Variants in EPB41 observed in about 807,000 individuals in gnomAD.
The protein encoded by EPB41 is protein 4.1.
Under a neutral mutation model 108.0 loss-of-function variants are expected in EPB41, and 65 were observed. That is an observed-to-expected ratio of 0.60 (90% CI 0.49 to 0.74). The LOEUF (loss-of-function observed/expected upper bound fraction) is 0.74. Among genes scored for constraint, EPB41 ranks in the 30% least tolerant of loss-of-function variants. The pLI is 0.00. For synonymous variants in EPB41, 336 were observed against 358.9 expected, an observed-to-expected ratio of 0.94 and a Z score of 0.72; for missense variants, 875 against 1,037.0, an observed-to-expected ratio of 0.84 and a Z score of 2.15.
intron 1 of EPB41, among the ~76,000 whole-genome samples, chr1:28,896,507 C>T (rs78340284): frequency 0.025 from 3,775 of 152,308 alleles, 178 homozygotes; most frequent in African/African-American, 0.086. Flanking sequence ...ACCTTCCCCA[C>T]CGGGAGCTCG....
intron 4 of EPB41, among the ~76,000 whole-genome samples, chr1:28,998,247 G>T (rs2096228095): frequency 2.0e-5 from 3 of 152,202 alleles, no homozygotes; most frequent in African/African-American, 7.2e-5. Context: ...GAGGTGGAGA[G>T]AGAATGGCTT....
chr1:28,973,493 A>G (rs758263339), intron 1 of EPB41, among the ~76,000 whole-genome samples: 1 of 152,120 alleles, frequency 6.6e-6, no homozygotes, highest in Non-Finnish European at 1.5e-5. Flanking sequence ...GGGCTCAAGC[A>G]ATTCTTCTGC....
chr1:28,992,991 G>A (rs1358736876), intron 2 of EPB41, among the ~76,000 whole-genome samples: 1 of 152,134 alleles, frequency 6.6e-6, no homozygotes, highest in Non-Finnish European at 1.5e-5. Flanking sequence ...AGGAGCATGG[G>A]CAGAGACAAT....
chr1:29,067,407 A>G (rs2151044930), intron 16 of EPB41, among the ~76,000 whole-genome samples: 1 of 150,586 alleles, frequency 6.6e-6, no homozygotes, highest in Non-Finnish European at 1.5e-5. Context: ...GAGGCAGGAG[A>G]ATGGCGTAAA....
chr1:29,061,729 G>A (rs1646613579), intron 15 of EPB41, among the ~76,000 whole-genome samples: 1 of 151,792 alleles, frequency 6.6e-6, no homozygotes, highest in Non-Finnish European at 1.5e-5. Flanking sequence ...ATGGGTGCAT[G>A]CCACAATGCC....
At chr1:28,969,095 T>C (rs544049740) in intron 1 of EPB41, among the ~76,000 whole-genome samples, 1 of 151,496 alleles carries the variant, frequency 6.6e-6, no homozygotes, top group East Asian at 1.9e-4. Context: ...TTTTTTTTTT[T>C]TTTTTTTAAG....
chr1:28,905,757 A>G (rs982771505), intron 1 of EPB41, among the ~76,000 whole-genome samples: 6 of 151,688 alleles, frequency 4.0e-5, no homozygotes, highest in African/African-American at 1.2e-4. Flanking sequence ...TTATTGTGGA[A>G]CTAAGGCTGC....
At chr1:28,993,710 G>A (rs2096083005) in intron 3 of EPB41, among the ~76,000 whole-genome samples, 168 bp downstream of exon 3, 1 of 147,534 alleles carries the variant, frequency 6.8e-6, no homozygotes, top group Non-Finnish European at 1.5e-5. Flanking sequence ...AGGCTGGAGT[G>A]CAGTGGCATG....
intron 1 of EPB41, among the ~76,000 whole-genome samples, chr1:28,941,782 C>A (rs2094296793): frequency 6.6e-6 from 1 of 151,116 alleles, no homozygotes; most frequent in African/African-American, 2.4e-5. Flanking sequence ...GTAATCCCAG[C>A]TACTCGGAAG....
intron 16 of EPB41, among the ~76,000 whole-genome samples, chr1:29,075,385 G>A (rs993917799): frequency 6.6e-6 from 1 of 151,994 alleles, no homozygotes; most frequent in Non-Finnish European, 1.5e-5. Flanking sequence ...GGCTGAGGCA[G>A]GAGAATCGCT....
intron 1 of EPB41, among the ~76,000 whole-genome samples, chr1:28,926,147 C>T (rs1400231195): frequency 6.6e-6 from 1 of 150,708 alleles, no homozygotes; most frequent in African/African-American, 2.4e-5. Context: ...AAGTTCGAGG[C>T]CAGCCTGGCC....
chr1:28,917,356 C>T (rs986125717), intron 1 of EPB41, among the ~76,000 whole-genome samples: 3 of 152,110 alleles, frequency 2.0e-5, no homozygotes, highest in South Asian at 4.1e-4. Flanking sequence ...TCTCAGCTCA[C>T]TGCAACCTCC....
chr1:29,112,222 A>G (rs1436782569), intron 18 of EPB41, 146 bp from the exon 19 acceptor site: 2 of 671,258 alleles, frequency 3.0e-6, no homozygotes, highest in Non-Finnish European at 5.3e-6. Context: ...GCTGGTCTCA[A>G]ACTCCTGGCC....
At chr1:29,092,200 C>G (rs1245234857) in intron 16 of EPB41, among the ~76,000 whole-genome samples, 1 of 149,652 alleles carries the variant, frequency 6.7e-6, no homozygotes, top group Non-Finnish European at 1.5e-5. Flanking sequence ...CAGGTTCAAG[C>G]AGTTCTCCTG....
Position 29,039,405 on chromosome 1 carries a change from G to A in EPB41, c.1615G>A (p.Ala539Thr). The change falls in exon 11 of 21, where the codon GCG becomes ACG. Residue 539 changes from alanine to threonine, a missense_variant. Around this residue, in one of 3 missense-constraint regions of EPB41, gnomAD observed 519 missense variants for 627.3 expected, o/e 0.83. Coordinates refer to ENST00000343067, the MANE Select transcript of EPB41 (RefSeq NM_001376013.1). ...CTTCGAGCGTACAGCAAGTAAACGG[G>A]CGTCCCGGAGCCTCGATGGAGGTTT... Reference protein sequence around the residue: ...PHFERTASKRASRSLDGAAAV... With the variant: ...PHFERTASKRTSRSLDGAAAV... 6.2e-7 allele frequency: 1 copy of A among 1,614,100 alleles called. No individual in the cohort carries two copies. The highest frequency in any genetic ancestry group is 1.1e-5 in the South Asian group (1 of 91,074).
intron 1 of EPB41, among the ~76,000 whole-genome samples, chr1:28,944,632 G>A (rs2094430941): frequency 6.7e-6 from 1 of 150,320 alleles, no homozygotes; most frequent in African/African-American, 2.5e-5. Context: ...CGCCTCCTGG[G>A]TTCAAGTGAT....
intron 1 of EPB41, among the ~76,000 whole-genome samples, chr1:28,940,204 A>G (rs1049379066): frequency 3.3e-5 from 5 of 152,228 alleles, no homozygotes; most frequent in African/African-American, 9.6e-5. Flanking sequence ...TTGATTTTAA[A>G]TGACTGTTTT....
chr1:29,064,047 G>C (rs1646948630), intron 15 of EPB41, among the ~76,000 whole-genome samples: 2 of 151,790 alleles, frequency 1.3e-5, no homozygotes, highest in African/African-American at 2.4e-5. Context: ...ATTCAAATTT[G>C]CTAGGATATA....
chr1:28,995,588 T>G (rs937206538), intron 3 of EPB41, among the ~76,000 whole-genome samples: 1 of 152,054 alleles, frequency 6.6e-6, no homozygotes, highest in Non-Finnish European at 1.5e-5. Context: ...AAACTAGAAT[T>G]CAGAATATTT....
Sources: gnomAD v4.1 joint callset for allele counts (sites outside exome capture counted in the v4.1 genomes callset) on GRCh38, gnomAD v4.1.1 for gene constraint, gnomAD v4.1.1 regional missense constraint, MANE v1.5 for transcripts, NCBI Gene and HGNC (gene_info 2026-07-23, HGNC 2026-07-21) for gene names.